Variants in KCNK2 observed in about 807,000 individuals in gnomAD.
The protein encoded by KCNK2 is potassium two pore domain channel subfamily K member 2, also known as potassium channel subfamily K member 2.
A neutral mutation model predicts 40.5 loss-of-function variants in KCNK2; 21 were observed. The observed-to-expected ratio is 0.52, with a 90% CI of 0.37 to 0.75. The LOEUF (loss-of-function observed/expected upper bound fraction) is 0.75. Among genes scored for constraint, KCNK2 ranks in the 30% least tolerant of loss-of-function variants. The probability of loss-of-function intolerance (pLI) is 0.00; values close to 1 mark genes in which losing one functional copy is unlikely to be tolerated. For synonymous variants in KCNK2, 191 were observed against 202.2 expected (o/e 0.94, Z 0.47); for missense variants, 399 against 531.6 (o/e 0.75, Z 2.45).
chr1:215,007,185 G>GATATATATA (rs1656202133), intron 1 of KCNK2, among the ~76,000 whole-genome samples: 1 of 31,028 alleles, frequency 3.2e-5, no homozygotes, highest in African/African-American at 1.2e-4. Flanking sequence ...ATGTGTGTGG[G>GATATATATA]TATATATATA....
At chr1:215,127,669 T>C (rs1232125371) in intron 3 of KCNK2, among the ~76,000 whole-genome samples, 1 of 152,146 alleles carries the variant, frequency 6.6e-6, no homozygotes, top group Non-Finnish European at 1.5e-5. Context: ...GCAAAAGCCA[T>C]AGTCCCTTGC....
At chr1:215,105,865 A>G (rs1021103657) in intron 2 of KCNK2, among the ~76,000 whole-genome samples, 4 of 152,140 alleles carry the variant, frequency 2.6e-5, no homozygotes, top group South Asian at 4.1e-4. Flanking sequence ...CTGTTTCTGC[A>G]TTAGTTTACT....
intron 5 of KCNK2, among the ~76,000 whole-genome samples, chr1:215,180,636 AT>A (rs1288790548): frequency 6.6e-6 from 1 of 152,162 alleles, no homozygotes; most frequent in African/African-American, 2.4e-5. Context: ...TTGGTGGAAT[AT>A]AAAATTACTG....
intron 3 of KCNK2, among the ~76,000 whole-genome samples, chr1:215,154,606 T>C (rs1159513010): frequency 6.6e-6 from 1 of 152,216 alleles, no homozygotes; most frequent in Non-Finnish European, 1.5e-5. Flanking sequence ...TTGTCAATTT[T>C]GGTATTTGTT....
chr1:215,072,079 T>C (rs577605902), intron 1 of KCNK2, among the ~76,000 whole-genome samples: 1 of 152,350 alleles, frequency 6.6e-6, no homozygotes, highest in East Asian at 1.9e-4. Context: ...CAGAGGAAAG[T>C]ATCTCCTTAG....
chr1:215,177,740 A>ATATTTTTTTT (rs71167812), intron 5 of KCNK2, among the ~76,000 whole-genome samples: 31 of 101,604 alleles, frequency 3.1e-4, no homozygotes, highest in East Asian at 5.6e-4. Flanking sequence ...ATATATATAT[A>ATATTTTTTTT]TTTTTTTTTT....
intron 3 of KCNK2, among the ~76,000 whole-genome samples, chr1:215,127,972 A>C (rs999166055): frequency 6.6e-6 from 1 of 152,216 alleles, no homozygotes; most frequent in Non-Finnish European, 1.5e-5. Context: ...GTTGCTGTAA[A>C]GATAAAAAAT....
At position 215,096,628 on chromosome 1, in the gene KCNK2, G is replaced by C. The variant is rs143106769; in HGVS notation, c.357+9950G>C. Among the ~76,000 whole-genome samples, 9 of 152,046 alleles carry C rather than the reference G, an allele frequency of 5.9e-5. No homozygotes were observed. In the South Asian group the frequency reaches 1.9e-3, roughly 32 times the overall value. On this transcript the variant is annotated intron_variant, in intron 2 of 6. Coordinates refer to ENST00000444842, the MANE Select transcript of KCNK2 (RefSeq NM_001017425.3). ...GGTAGGGTGGATCATAGGGAACCTCGCACAGTGGCTGTTTGTGGTAAAGTA... is the reference window on the plus strand; with the variant it reads ...GGTAGGGTGGATCATAGGGAACCTCCCACAGTGGCTGTTTGTGGTAAAGTA...
chr1:215,194,877 AG>A, intron 5 of KCNK2, 75 bp from the exon 6 acceptor site: 1 of 1,368,388 alleles, frequency 7.3e-7, no homozygotes, highest in South Asian at 1.2e-5. Context: ...AAATTTAGTT[AG>A]TAATTTTAGC....
chr1:215,082,957 G>A lies in KCNK2; in HGVS notation c.-429G>A, dbSNP rs1659231219. Among the ~76,000 whole-genome samples the A allele has an allele frequency of 6.7e-6, 1 of 148,468 alleles. No individual in the cohort carries two copies. Among genetic ancestry groups the A allele is most frequent in the South Asian group, 2.1e-4 (1 of 4,816 alleles). ...GGGCTGCACCCACCGCCCCCGCGCCGCGCCGTGCCGGGGCCGGGCCAGCGA... is the reference window on the plus strand; with the variant it reads ...GGGCTGCACCCACCGCCCCCGCGCCACGCCGTGCCGGGGCCGGGCCAGCGA... On this transcript the variant is annotated 5_prime_UTR_variant, in exon 1 of 7. Transcript: ENST00000444842.
At chr1:215,223,045 G>C (rs1423280236) in intron 6 of KCNK2, among the ~76,000 whole-genome samples, 3 of 151,782 alleles carry the variant, frequency 2.0e-5, no homozygotes, top group African/African-American at 7.3e-5. Context: ...ACCTCCAAAA[G>C]GGACAGGAAA....
At chr1:215,099,881 C>T (rs1310527363) in intron 2 of KCNK2, among the ~76,000 whole-genome samples, 3 of 152,028 alleles carry the variant, frequency 2.0e-5, no homozygotes, top group Non-Finnish European at 2.9e-5. Context: ...TAAAACAGGA[C>T]ATGTTCCCAT....
intron 2 of KCNK2, among the ~76,000 whole-genome samples, chr1:215,103,124 G>A (rs1276397244): frequency 2.0e-5 from 3 of 151,922 alleles, no homozygotes; most frequent in Non-Finnish European, 4.4e-5. Context: ...TTTTCAGAAA[G>A]AGATGCTTAG....
At chr1:215,047,475 CAG>C (rs919398786) in intron 1 of KCNK2, among the ~76,000 whole-genome samples, 2 of 152,038 alleles carry the variant, frequency 1.3e-5, no homozygotes, top group African/African-American at 4.8e-5. Context: ...TAGCAAATAA[CAG>C]AACCTAAATT....
intron 1 of KCNK2, among the ~76,000 whole-genome samples, chr1:215,018,618 T>C (rs905210553): frequency 2.0e-5 from 3 of 152,080 alleles, no homozygotes; most frequent in Admixed American, 1.3e-4. Context: ...CCACAGATAG[T>C]ATATGTGCAC....
intron 1 of KCNK2, among the ~76,000 whole-genome samples, chr1:215,036,930 T>C (rs1463524076): frequency 2.0e-5 from 3 of 151,724 alleles, no homozygotes; most frequent in African/African-American, 7.2e-5. Context: ...GTAGATGCTT[T>C]AGAATTTACT....
At chr1:215,209,824 T>C (rs1445040626) in intron 6 of KCNK2, among the ~76,000 whole-genome samples, 2 of 77,726 alleles carry the variant, frequency 2.6e-5, no homozygotes, top group Admixed American at 2.3e-4. Flanking sequence ...AAATATATAT[T>C]ATATATAAAA....
intron 3 of KCNK2, among the ~76,000 whole-genome samples, chr1:215,165,261 G>C (rs1237840930): frequency 2.0e-5 from 3 of 152,086 alleles, no homozygotes; most frequent in Non-Finnish European, 4.4e-5. Flanking sequence ...CACATAGTTG[G>C]AATCAGCTAG....
At chr1:215,011,836 G>A (rs1326858607) in intron 1 of KCNK2, among the ~76,000 whole-genome samples, 1 of 150,294 alleles carries the variant, frequency 6.7e-6, no homozygotes, top group Admixed American at 6.6e-5. Context: ...TTGATCTCCT[G>A]ACCTCGTGAT....
Sources: gnomAD v4.1 joint callset for allele counts (sites outside exome capture counted in the v4.1 genomes callset) on GRCh38, gnomAD v4.1.1 for gene constraint, MANE v1.5 for transcripts, NCBI Gene and HGNC (gene_info 2026-07-23, HGNC 2026-07-21) for gene names.